Variants in REPS2 observed in about 807,000 individuals in gnomAD.
The protein encoded by REPS2 is ralBP1-associated Eps domain-containing protein 2.
A neutral mutation model predicts 53.6 loss-of-function variants in REPS2; 23 were observed. The observed-to-expected ratio is 0.43, with a 90% confidence interval of 0.31 to 0.61. The LOEUF is 0.61. Among genes scored for constraint, REPS2 ranks in the 20% least tolerant of loss-of-function variants. The pLI, the probability that REPS2 is intolerant of heterozygous loss-of-function variation, is 0.11. For missense variants in REPS2, 446 were observed against 534.9 expected (o/e 0.83, Z 1.64); for synonymous variants, 238 against 218.6 (o/e 1.09, Z -0.78).
intron 13 of REPS2, among the ~76,000 whole-genome samples, chrX:17,086,314 T>G (rs968434691): frequency 4.5e-5 from 5 of 112,287 alleles, no homozygotes; most frequent in Non-Finnish European, 7.5e-5. Context: ...GCCTTTATTT[T>G]TGTGGTGTTT....
intron 5 of REPS2, among the ~76,000 whole-genome samples, chrX:17,043,784 G>A (rs191380943): frequency 8.8e-6 from 1 of 113,082 alleles, no homozygotes; most frequent in South Asian, 3.6e-4. Context: ...GACGCCAGGT[G>A]TGAGGTGGGT....
chrX:16,986,294 T>G (rs754077525), intron 1 of REPS2, among the ~76,000 whole-genome samples: 22 of 111,928 alleles, frequency 2.0e-4, no homozygotes, highest in Admixed American at 8.6e-4. Flanking sequence ...TAAATCTGAG[T>G]CTAATCCTCT....
At chrX:17,044,240 G>C (rs1298827426) in intron 5 of REPS2, 1 of 111,589 alleles carries the variant, frequency 9.0e-6, no homozygotes, top group Non-Finnish European at 1.9e-5. Context: ...GGGCTGACAG[G>C]GACAGCTAAG....
At chrX:17,045,503 ACT>A (rs1263989036) in intron 5 of REPS2, among the ~76,000 whole-genome samples, 1 of 109,553 alleles carries the variant, frequency 9.1e-6, no homozygotes, top group African/African-American at 3.3e-5. Context: ...ATATCAAAAC[ACT>A]CTGTGAAATT....
intron 1 of REPS2, among the ~76,000 whole-genome samples, chrX:16,953,159 GTAACTAGGAC>G (rs1262151737): frequency 1.0e-4 from 11 of 107,556 alleles, no homozygotes; most frequent in African/African-American, 1.4e-4. Flanking sequence ...ACACAAACCA[GTAACTAGGAC>G]TAACTATATG....
chrX:16,951,600 C>T (rs1271468837), intron 1 of REPS2, among the ~76,000 whole-genome samples: 2 of 107,912 alleles, frequency 1.9e-5, no homozygotes, highest in Non-Finnish European at 3.8e-5. Context: ...CCTGTAGTCC[C>T]AGCTATTCTG....
intron 2 of REPS2, among the ~76,000 whole-genome samples, chrX:17,019,383 G>A (rs1156441550): frequency 1.8e-5 from 2 of 112,281 alleles, no homozygotes; most frequent in African/African-American, 6.5e-5. Context: ...TTTGTTTGCT[G>A]TGTGTAATTC....
chrX:17,142,969 C>T (rs1326798671), intron 17 of REPS2, among the ~76,000 whole-genome samples: 1 of 112,403 alleles, frequency 8.9e-6, no homozygotes, highest in Non-Finnish European at 1.9e-5. Context: ...AATTGGGATA[C>T]ATTCATACAA....
intron 12 of REPS2, 74 bp from the exon 13 acceptor site, chrX:17,077,197 T>G: frequency 1.1e-5 from 12 of 1,054,758 alleles, no homozygotes; most frequent in Non-Finnish European, 1.5e-5. Flanking sequence ...TTCGTGGGTA[T>G]TTTCCATTTC....
At chrX:17,012,417 C>G (rs866949074) in intron 2 of REPS2, among the ~76,000 whole-genome samples, 5 of 99,032 alleles carry the variant, frequency 5.0e-5, no homozygotes, top group Admixed American at 2.1e-4. Flanking sequence ...CAACAACAAA[C>G]AAAACCCTAA....
rs151235895 is a variant in REPS2, at chrX:17,017,458, C to T, written c.398-4665C>T. On this transcript the variant is annotated intron_variant, in intron 2 of 17. Transcript: ENST00000357277. ...TAATCTGCAAGTATAGAAATTAGTA[C>T]AGAGGTTGCTCGGTGGAACAAAGGG... Among the ~76,000 whole-genome samples, 550 of 110,633 alleles carry T rather than the reference C, an allele frequency of 5.0e-3. 5 individuals carry two copies. Among genetic ancestry groups the T allele is most frequent in the African/African-American group, 0.017 (506 of 30,401 alleles).
intron 13 of REPS2, among the ~76,000 whole-genome samples, chrX:17,087,212 A>G (rs2062549527): frequency 8.9e-6 from 1 of 112,255 alleles, no homozygotes; most frequent in African/African-American, 3.2e-5. Flanking sequence ...TCATAAAGCA[A>G]CAGGATTAAT....
intron 1 of REPS2, among the ~76,000 whole-genome samples, chrX:16,948,903 G>C (rs2060473466): frequency 8.9e-6 from 1 of 112,093 alleles, no homozygotes; most frequent in Admixed American, 9.5e-5. Context: ...CCCTTATTCA[G>C]CCTAGCAAAG....
chrX:17,097,254 A>G (rs768541859), intron 13 of REPS2, among the ~76,000 whole-genome samples: 1 of 111,972 alleles, frequency 8.9e-6, no homozygotes, highest in South Asian at 3.7e-4. Context: ...TTCTATACCC[A>G]ATTAAATCCT....
At chrX:16,988,649 A>G (rs1252850702) in intron 1 of REPS2, among the ~76,000 whole-genome samples, 1 of 110,318 alleles carries the variant, frequency 9.1e-6, no homozygotes, top group Non-Finnish European at 1.9e-5. Context: ...TAAACTTACA[A>G]AAATGAGTTG....
rs143176908 is a variant in REPS2 at position 17,057,525 on chromosome X, T to C, written c.1114+2575T>C. On this transcript the variant is annotated intron_variant, in intron 8 of 17. Coordinates refer to ENST00000357277, the MANE Select transcript of REPS2 (RefSeq NM_004726.3). Reference sequence around the variant, plus strand: ...AGCAAAACCTACTAATTTCTGGACTTGGATTTTGCTAACAATACCTGCTTT... The same window carrying C: ...AGCAAAACCTACTAATTTCTGGACTCGGATTTTGCTAACAATACCTGCTTT... 4.9e-4 allele frequency among the ~76,000 whole-genome samples: 55 copies of C among 112,373 alleles called. No individual in the cohort carries two copies. In the East Asian group the frequency reaches 0.014, roughly 28 times the overall value.
At chrX:17,114,676 T>TA (rs1009078023) in intron 14 of REPS2, among the ~76,000 whole-genome samples, 3 of 112,543 alleles carry the variant, frequency 2.7e-5, no homozygotes, top group African/African-American at 9.7e-5. Context: ...GAAATAGTGA[T>TA]AAGACATATA....
intron 14 of REPS2, among the ~76,000 whole-genome samples, chrX:17,115,451 A>G (rs1186639590): frequency 2.7e-5 from 3 of 112,162 alleles, no homozygotes; most frequent in African/African-American, 9.7e-5. Flanking sequence ...TTTTATACCG[A>G]GACATTCCAT....
intron 14 of REPS2, among the ~76,000 whole-genome samples, chrX:17,118,205 C>T (rs1394590052): frequency 1.8e-5 from 2 of 108,446 alleles, no homozygotes; most frequent in Middle Eastern, 4.8e-3. Context: ...GTGATCCGCC[C>T]GCCTCGGCCT....
Sources: allele counts gnomAD v4.1 joint callset (sites outside exome capture counted in the v4.1 genomes callset), GRCh38; gene constraint gnomAD v4.1.1; transcripts MANE v1.5; gene names NCBI Gene and HGNC (gene_info 2026-07-23, HGNC 2026-07-21).